Variants in INO80 observed in about 807,000 individuals in gnomAD.
The protein encoded by INO80 is chromatin-remodeling ATPase INO80.
INO80 carries 20 observed loss-of-function variants against 203.4 expected under a neutral mutation model. The observed-to-expected ratio is 0.10, with a 90% CI of 0.07 to 0.14. INO80 has a LOEUF of 0.14. Ranked by LOEUF, INO80 falls within the 10% of genes least tolerant of loss-of-function variation. The pLI is 1.00. For missense variants in INO80, 1,419 were observed against 1,914.4 expected (o/e 0.74, Z 4.83); for synonymous variants, 726 against 685.2 (o/e 1.06, Z -0.93).
chr15:41,053,563 GAAATATACA>G (rs2044924347), intron 19 of INO80, among the ~76,000 whole-genome samples: 2 of 152,204 alleles, frequency 1.3e-5, no homozygotes, highest in South Asian at 4.1e-4. Context: ...AAATCTTTTA[GAAATATACA>G]TGAAAATACT....
intron 10 of INO80, among the ~76,000 whole-genome samples, chr15:41,073,946 C>T (rs2045362491): frequency 6.6e-6 from 1 of 152,134 alleles, no homozygotes; most frequent in South Asian, 2.1e-4. Flanking sequence ...CATGAAATTC[C>T]TCTCAAACTT....
chr15:41,072,459 G>A (rs1009441042), intron 11 of INO80, among the ~76,000 whole-genome samples: 7 of 151,588 alleles, frequency 4.6e-5, no homozygotes, highest in African/African-American at 1.7e-4. Flanking sequence ...AGTGGCTCAC[G>A]CCTGTAATCC....
At chr15:41,102,606 G>T (rs1255026474) in intron 1 of INO80, among the ~76,000 whole-genome samples, 1 of 151,998 alleles carries the variant, frequency 6.6e-6, no homozygotes, top group Non-Finnish European at 1.5e-5. Context: ...GGAGGCGGAG[G>T]TTACAGTGAG....
At position 41,093,469 on chromosome 15, in the gene INO80, G is replaced by A. The variant is rs531265107; in HGVS notation, c.382-1287C>T. Among the ~76,000 whole-genome samples the A allele has an allele frequency of 1.1e-4, 17 of 152,104 alleles. No individual in the cohort carries two copies. The South Asian group carries it at 2.9e-3, about 26-fold the overall frequency. On this transcript the variant is annotated intron_variant, in intron 4 of 35. Coordinates refer to ENST00000648947, the MANE Select transcript of INO80 (RefSeq NM_017553.3). ...ATGGAGAGTGACTGCTAACGGGTAC[G>A]GGGTTCATTTCAGAATGTTAAAAAT...
intron 28 of INO80, among the ~76,000 whole-genome samples, chr15:41,001,592 G>A (rs1481461705): frequency 1.3e-5 from 2 of 152,196 alleles, no homozygotes; most frequent in Non-Finnish European, 2.9e-5. Flanking sequence ...CATGGGTTAG[G>A]AGGAAGGGAA....
At chr15:41,073,373 C>T in intron 11 of INO80, 55 bp downstream of exon 11, 2 of 1,402,826 alleles carry the variant, frequency 1.4e-6, no homozygotes, top group South Asian at 1.2e-5. Context: ...TAAGTAAAGG[C>T]TTGTGGGGTA....
intron 24 of INO80, among the ~76,000 whole-genome samples, chr15:41,029,938 AG>A (rs2044434435): frequency 1.3e-5 from 2 of 152,230 alleles, no homozygotes; most frequent in Non-Finnish European, 2.9e-5. Flanking sequence ...GCTAAGTAGT[AG>A]TTCAGGGCTG....
intron 5 of INO80, among the ~76,000 whole-genome samples, chr15:41,091,522 C>T (rs2045641332): frequency 1.3e-5 from 2 of 152,092 alleles, no homozygotes; most frequent in Middle Eastern, 3.2e-3. Flanking sequence ...CTCCCTCCTC[C>T]TGCACCCACC....
In INO80 at chr15:41,021,132, T is replaced by C; in HGVS notation, c.3049-7A>G. The C allele has an allele frequency of 6.2e-7, 1 of 1,603,652 alleles. No homozygotes were observed. Among genetic ancestry groups the C allele is most frequent in the Non-Finnish European group, 8.5e-7 (1 of 1,170,510 alleles). On this transcript the variant is annotated splice_region_variant and splice_polypyrimidine_tract_variant and intron_variant, in intron 25 of 35. Coordinates refer to ENST00000648947, the MANE Select transcript of INO80 (RefSeq NM_017553.3). ...CCAATGGCACTGCGGTAACCTGCAG[T>C]TAAAGATTCACATGAGATGGCTCTT...
At chr15:41,106,217 G>C (rs1453279459) in intron 1 of INO80, among the ~76,000 whole-genome samples, 1 of 151,794 alleles carries the variant, frequency 6.6e-6, no homozygotes, top group African/African-American at 2.4e-5. Flanking sequence ...AATCCTGTCT[G>C]CATGAAAAAT....
At chr15:41,090,828 T>C (rs971001907) in intron 5 of INO80, among the ~76,000 whole-genome samples, 1 of 145,446 alleles carries the variant, frequency 6.9e-6, no homozygotes, top group African/African-American at 2.5e-5. Flanking sequence ...AAAGTTAAAA[T>C]GATGTATCTT....
chr15:40,993,086 T>C (rs992125257), intron 29 of INO80, among the ~76,000 whole-genome samples: 1 of 152,182 alleles, frequency 6.6e-6, no homozygotes, highest in Non-Finnish European at 1.5e-5. Flanking sequence ...TGAGCCACCA[T>C]GCCCAGCCTA....
At chr15:41,057,817 A>AAAG (rs1555403661) in intron 16 of INO80, among the ~76,000 whole-genome samples, 9 of 138,622 alleles carry the variant, frequency 6.5e-5, no homozygotes, top group African/African-American at 2.9e-4. Context: ...AAAAAAAAAA[A>AAAG]AAAGAAAGAA....
chr15:41,059,523 G>A (rs974360063), intron 15 of INO80, among the ~76,000 whole-genome samples: 2 of 150,440 alleles, frequency 1.3e-5, no homozygotes, highest in African/African-American at 4.9e-5. Flanking sequence ...AATTAGCTGG[G>A]TGTGCTGTCT....
chr15:41,006,625 G>C (rs949063750), intron 27 of INO80, among the ~76,000 whole-genome samples: 7 of 152,188 alleles, frequency 4.6e-5, no homozygotes, highest in Non-Finnish European at 7.3e-5. Flanking sequence ...AGCACATCAG[G>C]TTGCTGTAGT....
chr15:41,047,673 A>G (rs1196091413), intron 22 of INO80, among the ~76,000 whole-genome samples, 172 bp from the exon 23 acceptor site: 1 of 152,192 alleles, frequency 6.6e-6, no homozygotes, highest in Non-Finnish European at 1.5e-5. Context: ...ACAATAACAG[A>G]TAAGAGAGGC....
chr15:41,004,544 A>G (rs2044009107), intron 28 of INO80: 1 of 152,196 alleles, frequency 6.6e-6, no homozygotes, highest in African/African-American at 2.4e-5. Flanking sequence ...TCTAAGGAGG[A>G]AAACTGAAGA....
intron 5 of INO80, among the ~76,000 whole-genome samples, chr15:41,089,755 A>G (rs1314350151): frequency 2.0e-5 from 3 of 152,094 alleles, no homozygotes; most frequent in Admixed American, 6.6e-5. Context: ...AAAAAAAAAA[A>G]AAAGAAAGAA....
intron 1 of INO80, among the ~76,000 whole-genome samples, chr15:41,107,528 G>T (rs1244380822): frequency 4.6e-5 from 7 of 152,036 alleles, no homozygotes; most frequent in African/African-American, 1.7e-4. Flanking sequence ...GGCCAGGTGT[G>T]ATGGCTCATG....
Sources: gnomAD v4.1 joint callset for allele counts (sites outside exome capture counted in the v4.1 genomes callset) on GRCh38, gnomAD v4.1.1 for gene constraint, MANE v1.5 for transcripts, NCBI Gene and HGNC (gene_info 2026-07-23, HGNC 2026-07-21) for gene names.